Variants in STXBP5L observed in about 807,000 individuals in gnomAD.
STXBP5L encodes the protein syntaxin binding protein 5L.
In STXBP5L, 65 loss-of-function variants were observed where a neutral mutation model predicts 144.5. That is an observed-to-expected ratio of 0.45 (90% CI 0.37 to 0.55). The LOEUF (loss-of-function observed/expected upper bound fraction) is 0.55, where lower values mean the gene tolerates loss of function less well. STXBP5L is among the 20% of genes least tolerant of loss of function. The pLI, the probability that STXBP5L is intolerant of heterozygous loss-of-function variation, is 0.00. For synonymous variants in STXBP5L, 505 were observed against 469.6 expected (o/e 1.08, Z -0.97); for missense variants, 1,298 against 1,405.5 (o/e 0.92, Z 1.22).
At chr3:121,102,363 G>A (rs559665960) in intron 5 of STXBP5L, among the ~76,000 whole-genome samples, 23 of 152,046 alleles carry the variant, frequency 1.5e-4, no homozygotes, top group Non-Finnish European at 2.7e-4. Flanking sequence ...TATACAAAGA[G>A]AGATAGACCA....
chr3:121,346,717 T>G lies in STXBP5L; in HGVS notation c.2176+28177T>G, dbSNP rs567173353. ...CTGATGGCCAGTGGTGATGAGCATT[T>G]TTGTATGTGTCTTTTGTCTGCATAA... On this transcript the variant is annotated intron_variant, in intron 20 of 26. Transcript: ENST00000471454. 3.1e-4 allele frequency among the ~76,000 whole-genome samples: 47 copies of G among 152,352 alleles called. 1 individual carries two copies. Among genetic ancestry groups the G allele is most frequent in the Middle Eastern group, 3.4e-3 (1 of 294 alleles).
At chr3:121,087,478 A>G (rs1160143999) in intron 5 of STXBP5L, among the ~76,000 whole-genome samples, 1 of 151,966 alleles carries the variant, frequency 6.6e-6, no homozygotes, top group Non-Finnish European at 1.5e-5. Context: ...TCATTATCTA[A>G]CATAATATAG....
chr3:121,233,774 C>A (rs2108316738), intron 12 of STXBP5L, 86 bp downstream of exon 12: 5 of 1,028,652 alleles, frequency 4.9e-6, no homozygotes, highest in Non-Finnish European at 7.0e-6. Flanking sequence ...AGGAAGTATT[C>A]TTTGTGTGAA....
chr3:121,011,422 A>T (rs1005653858), intron 3 of STXBP5L, among the ~76,000 whole-genome samples: 9 of 151,684 alleles, frequency 5.9e-5, no homozygotes, highest in African/African-American at 2.2e-4. Context: ...CAATTTGAGC[A>T]TTCTGAGATT....
intron 20 of STXBP5L, among the ~76,000 whole-genome samples, chr3:121,352,201 T>A (rs2045315769): frequency 6.6e-6 from 1 of 152,114 alleles, no homozygotes; most frequent in Non-Finnish European, 1.5e-5. Context: ...TTTAAAGTAT[T>A]TTTTTCCAAT....
chr3:121,369,281 G>A (rs1389656169), intron 20 of STXBP5L, among the ~76,000 whole-genome samples: 2 of 151,304 alleles, frequency 1.3e-5, no homozygotes, highest in Non-Finnish European at 2.9e-5. Context: ...TTCTGTCAGT[G>A]CAATTGTTAT....
At chr3:121,204,999 T>A (rs932629392) in intron 9 of STXBP5L, among the ~76,000 whole-genome samples, 10 of 152,228 alleles carry the variant, frequency 6.6e-5, no homozygotes, top group Non-Finnish European at 1.0e-4. Flanking sequence ...ATGTAGTATC[T>A]GTGTTCATTG....
At chr3:121,217,967 C>G (rs1031910957) in intron 10 of STXBP5L, among the ~76,000 whole-genome samples, 1 of 146,830 alleles carries the variant, frequency 6.8e-6, no homozygotes, top group African/African-American at 2.5e-5. Flanking sequence ...TTAGTAGTTA[C>G]TACTATAGTT....
chr3:121,399,177 A>C (rs1047381233), intron 22 of STXBP5L, among the ~76,000 whole-genome samples: 11 of 152,148 alleles, frequency 7.2e-5, no homozygotes, highest in Non-Finnish European at 1.5e-4. Flanking sequence ...AGTGTGAAAA[A>C]GTTCCAAGGT....
At chr3:121,023,181 C>G (rs933384614) in intron 3 of STXBP5L, among the ~76,000 whole-genome samples, 1 of 151,874 alleles carries the variant, frequency 6.6e-6, no homozygotes. Context: ...TAGGAATATA[C>G]TTAACCAAGG....
chr3:121,132,503 T>C (rs954132818), intron 7 of STXBP5L, among the ~76,000 whole-genome samples: 16 of 152,180 alleles, frequency 1.1e-4, no homozygotes, highest in Non-Finnish European at 1.5e-5. Flanking sequence ...CCTCAGAATC[T>C]CTGTCTAGGC....
At chr3:121,092,842 C>T (rs886470890) in intron 5 of STXBP5L, among the ~76,000 whole-genome samples, 1 of 152,206 alleles carries the variant, frequency 6.6e-6, no homozygotes, top group African/African-American at 2.4e-5. Flanking sequence ...GCATCCCTGT[C>T]TTGTGCCAGT....
At chr3:120,974,394 T>A (rs1576535293) in intron 3 of STXBP5L, among the ~76,000 whole-genome samples, 1 of 151,360 alleles carries the variant, frequency 6.6e-6, no homozygotes, top group Non-Finnish European at 1.5e-5. Context: ...GGGTTGTTTG[T>A]TTTTTTCTTG....
At chr3:121,253,809 TC>T (rs1186739470) in intron 15 of STXBP5L, among the ~76,000 whole-genome samples, 1,057 of 102,390 alleles carry the variant, frequency 0.01, 18 homozygotes, top group African/African-American at 0.037. Context: ...TTTTTTTTTT[TC>T]TTTTTTTTTT....
intron 3 of STXBP5L, among the ~76,000 whole-genome samples, chr3:120,957,036 T>C (rs562884730): frequency 3.0e-4 from 45 of 152,098 alleles, no homozygotes; most frequent in East Asian, 3.9e-4. Context: ...CTATTTGGCA[T>C]GTGGATATCC....
At chr3:121,160,507 G>A (rs73191416) in intron 9 of STXBP5L, among the ~76,000 whole-genome samples, 5,412 of 152,294 alleles carry the variant, frequency 0.036, 147 homozygotes, top group Middle Eastern at 0.082. Flanking sequence ...ATCTAGAGAT[G>A]ATTTAAAGTA....
At chr3:121,164,352 C>T (rs2046427276) in intron 9 of STXBP5L, among the ~76,000 whole-genome samples, 1 of 152,066 alleles carries the variant, frequency 6.6e-6, no homozygotes, top group East Asian at 1.9e-4. Context: ...CATCTCACAC[C>T]TATTAGGATG....
At chr3:121,118,278 A>G (rs996008170) in intron 6 of STXBP5L, among the ~76,000 whole-genome samples, 1 of 151,770 alleles carries the variant, frequency 6.6e-6, no homozygotes, top group Non-Finnish European at 1.5e-5. Context: ...TAGACATGGG[A>G]TCTCAAAGTG....
chr3:121,187,286 C>T (rs2108138530), intron 9 of STXBP5L, among the ~76,000 whole-genome samples: 1 of 151,758 alleles, frequency 6.6e-6, no homozygotes, highest in South Asian at 2.1e-4. Flanking sequence ...TCATTCTGAG[C>T]AAACTATTGC....
Sources: allele counts gnomAD v4.1 joint callset (sites outside exome capture counted in the v4.1 genomes callset), GRCh38; gene constraint gnomAD v4.1.1; transcripts MANE v1.5; gene names NCBI Gene and HGNC (gene_info 2026-07-23, HGNC 2026-07-21).